Variants in GLRA1 observed in about 807,000 individuals in gnomAD.
GLRA1 encodes glycine receptor alpha 1, also known as glycine receptor subunit alpha-1.
A neutral mutation model predicts 48.3 loss-of-function variants in GLRA1; 37 were observed. The ratio of observed to expected loss-of-function variants is 0.77; its 90% CI spans 0.59 to 1.01. The LOEUF is 1.01. GLRA1 is among the 50% of genes least tolerant of loss of function. GLRA1 has a pLI of 0.00. For missense variants in GLRA1, 427 were observed against 571.0 expected, an observed-to-expected ratio of 0.75 and a Z score of 2.57; for synonymous variants, 196 against 210.7, an observed-to-expected ratio of 0.93 and a Z score of 0.60.
intron 7 of GLRA1, among the ~76,000 whole-genome samples, chr5:151,844,340 G>A (rs1490588078): frequency 2.6e-5 from 4 of 151,696 alleles, no homozygotes; most frequent in Non-Finnish European, 4.4e-5. Flanking sequence ...ATGACACCAA[G>A]GCCAGGAGCA....
chr5:151,841,402 C>T (rs185940506), intron 7 of GLRA1, among the ~76,000 whole-genome samples: 1 of 119,302 alleles, frequency 8.4e-6, no homozygotes, highest in Non-Finnish European at 1.8e-5. Context: ...AAGAAAGGTC[C>T]TAAATCAATA....
At chr5:151,828,641 C>A (rs1283253038) in intron 8 of GLRA1, among the ~76,000 whole-genome samples, 1 of 152,172 alleles carries the variant, frequency 6.6e-6, no homozygotes, top group Non-Finnish European at 1.5e-5. Flanking sequence ...ATTTTCTTGA[C>A]CCCATCAGCT....
chr5:151,887,809 G>T (rs1753953334), intron 2 of GLRA1, among the ~76,000 whole-genome samples: 1 of 152,162 alleles, frequency 6.6e-6, no homozygotes, highest in South Asian at 2.1e-4. Context: ...TAACCAAAGA[G>T]AAATGCAAGA....
chr5:151,877,524 A>G (rs1330501857), intron 3 of GLRA1, among the ~76,000 whole-genome samples: 1 of 151,874 alleles, frequency 6.6e-6, no homozygotes, highest in Admixed American at 6.6e-5. Flanking sequence ...AAAACACAAC[A>G]ACAACAACAA....
At chr5:151,857,500 C>T (rs1753078649) in intron 4 of GLRA1, among the ~76,000 whole-genome samples, 1 of 152,142 alleles carries the variant, frequency 6.6e-6, no homozygotes, top group Non-Finnish European at 1.5e-5. Context: ...CACCCATGTG[C>T]ACCTGCAGCA....
At chr5:151,844,034 G>T (rs1752589570) in intron 7 of GLRA1, among the ~76,000 whole-genome samples, 1 of 152,124 alleles carries the variant, frequency 6.6e-6, no homozygotes, top group African/African-American at 2.4e-5. Context: ...GCCAGGTGTG[G>T]TGGTGCATGC....
intron 7 of GLRA1, 65 bp from the exon 8 acceptor site, chr5:151,829,132 C>T (rs931856011): frequency 1.1e-5 from 17 of 1,527,140 alleles, no homozygotes; most frequent in South Asian, 2.3e-5. Flanking sequence ...TTAAGCATGG[C>T]GGAATATTTT....
At chr5:151,905,244 C>T (rs1010562475) in intron 1 of GLRA1, among the ~76,000 whole-genome samples, 4 of 151,956 alleles carry the variant, frequency 2.6e-5, no homozygotes, top group African/African-American at 9.7e-5. Context: ...AATGAAAACC[C>T]ACCTAGAAAA....
At chr5:151,915,960 CT>C (rs908586742) in intron 1 of GLRA1, among the ~76,000 whole-genome samples, 3 of 152,126 alleles carry the variant, frequency 2.0e-5, no homozygotes, top group African/African-American at 7.2e-5. Context: ...ATTTCCAGCT[CT>C]TTTTTTCTAG....
chr5:151,837,246 TAAA>T (rs1238277026), intron 7 of GLRA1, among the ~76,000 whole-genome samples: 2 of 152,074 alleles, frequency 1.3e-5, no homozygotes, highest in Admixed American at 1.3e-4. Flanking sequence ...GCAATGCAAA[TAAA>T]AACCACAATG....
chr5:151,900,960 A>C (rs959409409), intron 1 of GLRA1, among the ~76,000 whole-genome samples: 1 of 152,212 alleles, frequency 6.6e-6, no homozygotes, highest in African/African-American at 2.4e-5. Context: ...TTCCAGAGGA[A>C]GCTTAATTTA....
chr5:151,838,646 A>G (rs1215235399), intron 7 of GLRA1, among the ~76,000 whole-genome samples: 1 of 152,228 alleles, frequency 6.6e-6, no homozygotes, highest in Non-Finnish European at 1.5e-5. Context: ...CAGAATGAAG[A>G]AAAATAAACA....
intron 7 of GLRA1, among the ~76,000 whole-genome samples, chr5:151,833,520 A>G (rs532910045): frequency 2.4e-4 from 37 of 152,142 alleles, no homozygotes; most frequent in African/African-American, 8.9e-4. Context: ...GTGGAGTGCA[A>G]TGGCACGATC....
rs199547699 is a variant in GLRA1 at position 151,859,984 on chromosome 5, G to T, written c.277C>A (p.Arg93=). The T allele has an allele frequency of 1.9e-6, 3 of 1,613,590 alleles. No homozygotes were observed. The highest frequency in any genetic ancestry group is 3.3e-5 in the Admixed American group (2 of 60,016). The change falls in exon 4 of 9, where the codon CGG becomes AGG. Residue 93 remains arginine (R), a synonymous_variant. Transcript: ENST00000274576. ...TMDYRVNIFL[R]QQWNDPRLAY... is the part of the protein sequence containing the mutation. ...AGGCGGGGGTCGTTCCATTGCTGCC[G>T]CAGGAAGATGTTGACCCTATAGTCC...
intron 7 of GLRA1, among the ~76,000 whole-genome samples, chr5:151,837,383 C>T (rs1763603504): frequency 6.6e-6 from 1 of 152,182 alleles, no homozygotes; most frequent in South Asian, 2.1e-4. Context: ...ATTAGTTCAA[C>T]CATTGTGGAA....
At chr5:151,912,926 G>A (rs1021081787) in intron 1 of GLRA1, among the ~76,000 whole-genome samples, 5 of 152,328 alleles carry the variant, frequency 3.3e-5, no homozygotes, top group Middle Eastern at 3.4e-3. Flanking sequence ...ACACCCAAAT[G>A]TATGTAAGGT....
At chr5:151,917,267 A>T (rs1299679390) in intron 1 of GLRA1, among the ~76,000 whole-genome samples, 2 of 152,170 alleles carry the variant, frequency 1.3e-5, no homozygotes, top group Non-Finnish European at 2.9e-5. Flanking sequence ...AGACCTCCTG[A>T]GTCAGAATCT....
chr5:151,893,504 C>T (rs766270153), intron 1 of GLRA1, among the ~76,000 whole-genome samples: 3 of 151,996 alleles, frequency 2.0e-5, no homozygotes, highest in East Asian at 1.9e-4. Context: ...TGCTCTCCCT[C>T]GCCTTGCCCC....
At chr5:151,863,691 T>A (rs1325201745) in intron 3 of GLRA1, among the ~76,000 whole-genome samples, 1 of 152,128 alleles carries the variant, frequency 6.6e-6, no homozygotes, top group Non-Finnish European at 1.5e-5. Context: ...GGGTGCTGGA[T>A]AAATGAGGTC....
Sources: gnomAD v4.1 joint callset for allele counts (sites outside exome capture counted in the v4.1 genomes callset) on GRCh38, gnomAD v4.1.1 for gene constraint, MANE v1.5 for transcripts, NCBI Gene and HGNC (gene_info 2026-07-23, HGNC 2026-07-21) for gene names.